The following CGGBP1 variants were observed in gnomAD, a reference collection of about 807,000 sequenced individuals.
The protein encoded by CGGBP1 is CGG triplet repeat binding protein 1.
CGGBP1 carries 4 observed loss-of-function variants against 11.4 expected under a neutral mutation model. The observed-to-expected ratio is 0.35, with a 90% CI of 0.17 to 0.80. The LOEUF (loss-of-function observed/expected upper bound fraction) is 0.80. Among genes scored for constraint, CGGBP1 ranks in the 30% least tolerant of loss-of-function variants. The pLI, the probability that CGGBP1 is intolerant of heterozygous loss-of-function variation, is 0.52. For missense variants in CGGBP1, 135 were observed against 202.1 expected, an observed-to-expected ratio of 0.67 and a Z score of 2.01; for synonymous variants, 76 against 74.1, an observed-to-expected ratio of 1.03 and a Z score of -0.13.
At chr3:88,088,014 A>G (rs1708427558) in intron 2 of CGGBP1, among the ~76,000 whole-genome samples, 1 of 152,232 alleles carries the variant, frequency 6.6e-6, no homozygotes, top group South Asian at 2.1e-4. Context: ...ATAAATACAA[A>G]TACTACAAAA....
chr3:88,126,039 C>A, intron 2 of CGGBP1: 2 of 1,224,460 alleles, frequency 1.6e-6, no homozygotes, highest in South Asian at 2.1e-5. Context: ...TAATAGCTGC[C>A]TCACTGGCCA....
In CGGBP1 at chr3:88,055,590, G is replaced by A. The variant is rs1368574669; in HGVS notation, c.387C>T (p.Phe129=). ...EKADHPAVRA[F]LSRHVKNGGS... Reference sequence around the variant, plus strand: ...CTCCATTCTTCACATGGCGAGATAGGAAAGCACGGACTGCTGGGTGATCAG... The same window carrying A: ...CTCCATTCTTCACATGGCGAGATAGAAAAGCACGGACTGCTGGGTGATCAG... The change falls in exon 4 of 4, where the codon TTC becomes TTT. Residue 129 remains phenylalanine (F), a synonymous_variant. Transcript: ENST00000482016. The surrounding 1 kb of genome is among the most constrained non-coding windows in gnomAD (Gnocchi z 4.2). The A allele has an allele frequency of 6.2e-7, 1 of 1,613,268 alleles. No homozygotes were observed. The highest frequency in any genetic ancestry group is 2.2e-5 in the East Asian group (1 of 44,856).
Position 88,109,144 on chromosome 3 carries a change from TG to T in CGGBP1, c.-229+31825del, listed in dbSNP as rs1559716061. 1.4e-4 allele frequency among the ~76,000 whole-genome samples: 19 copies of T among 131,794 alleles called. No individual in the cohort carries two copies. In the East Asian group the frequency reaches 4.0e-3, roughly 27 times the overall value. The allele number at this position is 131,794 out of a possible 152,430, so 86.5% of individuals were successfully genotyped here. On this transcript the variant is annotated intron_variant, in intron 2 of 3. Transcript: ENST00000462901. ...TCCCCTGTGGATAAGTGGGCACTAG[TG>T]TGTGTGTGTGTGTGTGTGTGTGTGT...
intron 2 of CGGBP1, chr3:88,095,571 C>G (rs1418889216): frequency 4.2e-5 from 22 of 519,976 alleles, no homozygotes; most frequent in Non-Finnish European, 3.9e-6. Flanking sequence ...TCATTAAAAA[C>G]ATAAATTGCC....
At chr3:88,124,661 A>C (rs1039128819) in intron 2 of CGGBP1, among the ~76,000 whole-genome samples, 1 of 152,128 alleles carries the variant, frequency 6.6e-6, no homozygotes, top group East Asian at 1.9e-4. Flanking sequence ...GTTTTTTTAA[A>C]TTCTGAAGCT....
chr3:88,125,969 G>T (rs1378533199), intron 2 of CGGBP1, among the ~76,000 whole-genome samples: 3 of 152,102 alleles, frequency 2.0e-5, no homozygotes, highest in Non-Finnish European at 4.4e-5. Flanking sequence ...GCCTATTTGT[G>T]TTCATGGGGT....
At chr3:88,134,600 A>G (rs947439880) in intron 2 of CGGBP1, among the ~76,000 whole-genome samples, 1 of 152,128 alleles carries the variant, frequency 6.6e-6, no homozygotes, top group Admixed American at 6.6e-5. Flanking sequence ...CAGAATCAAT[A>G]CTATACTTAC....
At chr3:88,147,991 C>CT (rs1247009562) in intron 1 of CGGBP1, among the ~76,000 whole-genome samples, 3 of 152,208 alleles carry the variant, frequency 2.0e-5, no homozygotes, top group Admixed American at 2.0e-4. Flanking sequence ...GACTGCAACT[C>CT]TAACACATTG....
intron 2 of CGGBP1, chr3:88,140,545 A>C: frequency 6.2e-7 from 1 of 1,613,800 alleles, no homozygotes; most frequent in Non-Finnish European, 8.5e-7. Flanking sequence ...ATAGACCAAA[A>C]GATGCCTGAC....
chr3:88,110,668 C>A (rs571488998), intron 2 of CGGBP1, among the ~76,000 whole-genome samples: 1 of 152,158 alleles, frequency 6.6e-6, no homozygotes, highest in South Asian at 2.1e-4. Flanking sequence ...ATTCTGCACC[C>A]TACAGAGTTT....
chr3:88,102,556 T>C (rs1299264373), intron 2 of CGGBP1, among the ~76,000 whole-genome samples: 2 of 152,244 alleles, frequency 1.3e-5, no homozygotes, highest in African/African-American at 4.8e-5. Context: ...ATCTTTTCTC[T>C]ATCACTGGGA....
intron 2 of CGGBP1, among the ~76,000 whole-genome samples, chr3:88,083,925 A>G (rs999674262): frequency 3.0e-5 from 4 of 134,626 alleles, no homozygotes; most frequent in Admixed American, 8.1e-5. Flanking sequence ...TAATAGGACA[A>G]TGTAATGTAC....
chr3:88,140,353 A>G (rs1010566746), intron 2 of CGGBP1: 5 of 1,613,258 alleles, frequency 3.1e-6, no homozygotes, highest in Admixed American at 3.3e-5. Context: ...TCAAATCCTA[A>G]TCAGGAAAAA....
intron 2 of CGGBP1, among the ~76,000 whole-genome samples, chr3:88,116,612 T>TG (rs764311596): frequency 1.3e-4 from 20 of 149,816 alleles, no homozygotes; most frequent in Admixed American, 5.3e-4. Context: ...TGTATATATG[T>TG]TGTGTGTGTG....
chr3:88,067,907 T>A (rs1707292854), intron 2 of CGGBP1, among the ~76,000 whole-genome samples: 1 of 151,742 alleles, frequency 6.6e-6, no homozygotes, highest in African/African-American at 2.4e-5. Flanking sequence ...TTTAGTAAAT[T>A]GGTGTGAACT....
At chr3:88,140,941 T>C in intron 2 of CGGBP1, 1 of 1,613,496 alleles carries the variant, frequency 6.2e-7, no homozygotes, top group African/African-American at 1.3e-5. Context: ...GTGAAAAGAT[T>C]AAGATGTGGC....
chr3:88,056,121 G>GACACACAGTCT, intron 3 of CGGBP1, 122 bp from the exon 4 acceptor site: 1 of 674,958 alleles, frequency 1.5e-6, no homozygotes, highest in South Asian at 2.3e-5. Flanking sequence ...CAAATTAGTA[G>GACACACAGTCT]ACTGTGTGTC....
At chr3:88,068,605 T>C (rs1461630226) in intron 2 of CGGBP1, among the ~76,000 whole-genome samples, 1 of 152,236 alleles carries the variant, frequency 6.6e-6, no homozygotes, top group Admixed American at 6.5e-5. Context: ...TTAATGTTTT[T>C]AATATCTGGA....
intron 2 of CGGBP1, among the ~76,000 whole-genome samples, chr3:88,096,453 C>T (rs1005474997): frequency 6.6e-6 from 1 of 152,082 alleles, no homozygotes; most frequent in Non-Finnish European, 1.5e-5. Context: ...CTCATTTCTC[C>T]TTCCTCCTGA....
Sources: gnomAD v4.1 joint callset for allele counts (sites outside exome capture counted in the v4.1 genomes callset) on GRCh38, gnomAD v4.1.1 for gene constraint, Gnocchi (gnomAD v3.1) non-coding constraint, MANE v1.5 for transcripts, NCBI Gene and HGNC (gene_info 2026-07-23, HGNC 2026-07-21) for gene names.